The following ADAM19 variants were observed in gnomAD, a reference collection of about 807,000 sequenced individuals.
The protein encoded by ADAM19 is disintegrin and metalloproteinase domain-containing protein 19.
A neutral mutation model predicts 114.7 loss-of-function variants in ADAM19; 65 were observed. That is an observed-to-expected ratio of 0.57 (90% confidence interval 0.46 to 0.70). The LOEUF is 0.70. ADAM19 is among the 30% of genes least tolerant of loss of function. The pLI, the probability that ADAM19 is intolerant of heterozygous loss-of-function variation, is 0.00. For synonymous variants in ADAM19, 466 were observed against 460.5 expected (o/e 1.01, Z -0.15); for missense variants, 1,063 against 1,204.7 (o/e 0.88, Z 1.74).
chr5:157,549,648 T>C (rs995550196), intron 3 of ADAM19, among the ~76,000 whole-genome samples: 1 of 152,190 alleles, frequency 6.6e-6, no homozygotes, highest in Admixed American at 6.5e-5. Flanking sequence ...AATTCTACCA[T>C]GTAAATTTGT....
intron 3 of ADAM19, among the ~76,000 whole-genome samples, chr5:157,539,216 G>A (rs964880026): frequency 1.3e-5 from 2 of 152,010 alleles, no homozygotes; most frequent in Admixed American, 6.6e-5. Context: ...TTATCTCAGG[G>A]GTTGCAGAAG....
At chr5:157,499,516 G>T in intron 13 of ADAM19, 57 bp downstream of exon 13, 3 of 1,458,662 alleles carry the variant, frequency 2.1e-6, no homozygotes, top group Non-Finnish European at 2.9e-6. Context: ...CAGCAGAGCA[G>T]TCCTGTGGTC....
chr5:157,569,396 C>G (rs1757761951), intron 2 of ADAM19, among the ~76,000 whole-genome samples: 1 of 150,812 alleles, frequency 6.6e-6, no homozygotes, highest in Non-Finnish European at 1.5e-5. Flanking sequence ...AGACACACAC[C>G]CCTAGGTCTA....
chr5:157,515,034 G>A (rs1378365599), intron 7 of ADAM19, among the ~76,000 whole-genome samples: 1 of 152,170 alleles, frequency 6.6e-6, no homozygotes, highest in Non-Finnish European at 1.5e-5. Context: ...TTTGGCCAGA[G>A]GTGTGTACCA....
chr5:157,539,629 CA>C (rs1251347322), intron 3 of ADAM19, among the ~76,000 whole-genome samples: 5 of 152,220 alleles, frequency 3.3e-5, no homozygotes. Context: ...AAAAATAAAG[CA>C]AAGCACAAAC....
chr5:157,545,986 C>T (rs1378428056), intron 3 of ADAM19, among the ~76,000 whole-genome samples: 1 of 152,230 alleles, frequency 6.6e-6, no homozygotes, highest in African/African-American at 2.4e-5. Context: ...GCAGGCCCTG[C>T]ACCTGCAAGT....
chr5:157,536,321 C>G (rs1756763645), intron 4 of ADAM19, among the ~76,000 whole-genome samples: 1 of 152,116 alleles, frequency 6.6e-6, no homozygotes, highest in Non-Finnish European at 1.5e-5. Context: ...TGGTGAAACC[C>G]CATCTCTACT....
At chr5:157,529,921 C>T (rs1004837260) in intron 5 of ADAM19, among the ~76,000 whole-genome samples, 23 of 151,902 alleles carry the variant, frequency 1.5e-4, no homozygotes, top group African/African-American at 5.1e-4. Context: ...CTTGCCTTTC[C>T]TTTCACTTCC....
intron 3 of ADAM19, among the ~76,000 whole-genome samples, chr5:157,543,765 G>C (rs1350981896): frequency 6.6e-6 from 1 of 151,956 alleles, no homozygotes; most frequent in African/African-American, 2.4e-5. Flanking sequence ...AAACTACTCA[G>C]CCTCAGTTTC....
intron 5 of ADAM19, among the ~76,000 whole-genome samples, chr5:157,522,718 G>A (rs980321434): frequency 7.2e-5 from 11 of 152,060 alleles, no homozygotes; most frequent in Non-Finnish European, 1.5e-4. Context: ...CCTGGGAGGC[G>A]GAGGTTGCAG....
intron 13 of ADAM19, among the ~76,000 whole-genome samples, chr5:157,498,684 G>A (rs1214917231): frequency 4.5e-5 from 3 of 66,286 alleles, no homozygotes; most frequent in Non-Finnish European, 6.3e-5. Flanking sequence ...ACACATGTGT[G>A]TATGTATATA....
At position 157,486,058 on chromosome 5, in the gene ADAM19, C is replaced by T. The variant is rs573984648; in HGVS notation, c.2550+2207G>A. 3.3e-5 allele frequency among the ~76,000 whole-genome samples: 5 copies of T among 152,322 alleles called. 1 individual carries two copies. The highest frequency in any genetic ancestry group is 7.2e-5 in the African/African-American group (3 of 41,558). On this transcript the variant is annotated intron_variant, in intron 21 of 22. Transcript: ENST00000257527. ...AGTGATGAGGTTTCATCTATCACTT[C>T]TCCAGGGGGTCCATGTCCCCCAGCT...
chr5:157,554,595 C>G (rs1280004466), intron 3 of ADAM19, among the ~76,000 whole-genome samples: 1 of 152,200 alleles, frequency 6.6e-6, no homozygotes, highest in Non-Finnish European at 1.5e-5. Flanking sequence ...AATTTCCTCC[C>G]AGGGGCAATG....
chr5:157,563,970 A>G (rs1441997351), intron 3 of ADAM19, among the ~76,000 whole-genome samples: 4 of 152,132 alleles, frequency 2.6e-5, no homozygotes, highest in South Asian at 4.1e-4. Flanking sequence ...GCCCCAGCAC[A>G]CCCTGCTTTG....
At chr5:157,535,362 C>A (rs1756733372) in intron 4 of ADAM19, among the ~76,000 whole-genome samples, 1 of 152,258 alleles carries the variant, frequency 6.6e-6, no homozygotes, top group Non-Finnish European at 1.5e-5. Context: ...AGAACTCCAG[C>A]TACCCCAGGC....
intron 14 of ADAM19, among the ~76,000 whole-genome samples, chr5:157,495,124 G>A (rs927598074): frequency 3.3e-5 from 5 of 151,262 alleles, no homozygotes; most frequent in Non-Finnish European, 3.0e-5. Flanking sequence ...GAGTAGCTGG[G>A]ATGACAAGCA....
Position 157,477,317 on chromosome 5 carries a change from GACAA to G in ADAM19, c.*3628_*3631del, listed in dbSNP as rs1295736939. The G allele has an allele frequency of 1.0e-6, 1 of 1,000,454 alleles. No homozygotes were observed. Among genetic ancestry groups the G allele is most frequent in the Admixed American group, 5.6e-5 (1 of 18,018 alleles). 62.0% of individuals were successfully genotyped at this position (1,000,454 alleles called of 1,614,324 possible). A position where few individuals can be genotyped will look rare whatever the true frequency, so the allele number is the denominator to read the frequency against. ...TGCCAAACCAGATAACATTGCAAAT[GACAA>G]ACAATTCATTTTTAATTAAATACTA... is the stretch of plus-strand genomic sequence containing the variant. On this transcript the variant is annotated 3_prime_UTR_variant, in exon 23 of 23. Coordinates refer to ENST00000257527, the MANE Select transcript of ADAM19 (RefSeq NM_033274.5).
At chr5:157,557,183 C>T (rs1757390658) in intron 3 of ADAM19, among the ~76,000 whole-genome samples, 1 of 152,204 alleles carries the variant, frequency 6.6e-6, no homozygotes, top group Non-Finnish European at 1.5e-5. Flanking sequence ...GCTAGGATTA[C>T]AGGCATGCGC....
At chr5:157,538,395 T>C (rs985851323) in intron 3 of ADAM19, among the ~76,000 whole-genome samples, 1 of 152,182 alleles carries the variant, frequency 6.6e-6, no homozygotes, top group Admixed American at 6.5e-5. Context: ...GCAGACCAAT[T>C]TTTCTTTAAG....
Sources: allele counts gnomAD v4.1 joint callset (sites outside exome capture counted in the v4.1 genomes callset), GRCh38; gene constraint gnomAD v4.1.1; transcripts MANE v1.5; gene names NCBI Gene and HGNC (gene_info 2026-07-23, HGNC 2026-07-21).